Variants in MAPK10 observed in about 807,000 individuals in gnomAD.
MAPK10 encodes the protein JNK3 alpha protein kinase.
In MAPK10, 25 loss-of-function variants were observed where a neutral mutation model predicts 59.3. The observed-to-expected ratio is 0.42, with a 90% confidence interval of 0.31 to 0.59. MAPK10 has a LOEUF of 0.59. Ranked by LOEUF, MAPK10 falls within the 20% of genes least tolerant of loss-of-function variation. The pLI, the probability that MAPK10 is intolerant of heterozygous loss-of-function variation, is 0.15. For synonymous variants in MAPK10, 190 were observed against 200.5 expected (o/e 0.95, Z 0.44); for missense variants, 351 against 568.9 (o/e 0.62, Z 3.90).
chr4:86,424,158 C>A (rs1169452829), intron 1 of MAPK10, among the ~76,000 whole-genome samples: 1 of 152,020 alleles, frequency 6.6e-6, no homozygotes, highest in Non-Finnish European at 1.5e-5. Flanking sequence ...CCAGTTCAGA[C>A]CGACTTCTTC....
At chr4:86,462,849 A>C (rs774528567) in intron 1 of MAPK10, among the ~76,000 whole-genome samples, 4 of 152,148 alleles carry the variant, frequency 2.6e-5, no homozygotes, top group Non-Finnish European at 5.9e-5. Context: ...CTAGGAAAAA[A>C]TTTGCAAGGT....
rs2093373928 is a variant in MAPK10 at position 86,250,830 on chromosome 4, A to G, written c.-6-56423T>C. ...TTAATTTCACCAGTGGTCATGAGCT[A>G]CAACACAGCCAGGGGACATGACAGA... On this transcript the variant is annotated intron_variant, in intron 2 of 13. Coordinates refer to ENST00000641462, the MANE Select transcript of MAPK10 (RefSeq NM_138982.4). 1.3e-5 allele frequency among the ~76,000 whole-genome samples: 2 copies of G among 152,226 alleles called. 1 individual carries two copies. The highest frequency in any genetic ancestry group is 1.3e-4 in the Admixed American group (2 of 15,274).
intron 2 of MAPK10, among the ~76,000 whole-genome samples, chr4:86,296,874 T>C (rs1413131031): frequency 6.6e-6 from 1 of 152,240 alleles, no homozygotes; most frequent in Non-Finnish European, 1.5e-5. Context: ...ATTCTATTCC[T>C]AGGACCTTCT....
chr4:86,257,598 G>A (rs2093802461), intron 2 of MAPK10, among the ~76,000 whole-genome samples: 1 of 152,094 alleles, frequency 6.6e-6, no homozygotes, highest in Admixed American at 6.5e-5. Flanking sequence ...GTCCTCACGT[G>A]GTTGACCAGT....
At chr4:86,283,842 G>C (rs370084325) in intron 2 of MAPK10, among the ~76,000 whole-genome samples, 8 of 152,140 alleles carry the variant, frequency 5.3e-5, no homozygotes, top group African/African-American at 1.4e-4. Context: ...GTGAAATAAA[G>C]AATATTTCCT....
chr4:86,354,624 G>C lies in MAPK10; in HGVS notation c.-101C>G, dbSNP rs886059679. The C allele has an allele frequency of 2.1e-5, 26 of 1,228,908 alleles. No individual in the cohort carries two copies. Among genetic ancestry groups the C allele is most frequent in the Non-Finnish European group, 2.5e-5 (25 of 985,296 alleles). 76.1% of individuals were successfully genotyped at this position (1,228,908 alleles called of 1,614,324 possible). Reference sequence around the variant, plus strand: ...AGTGAAGATCTGAGATGGGCCTGCTGTTGGTGTTTCTCACACTAGCCTGAA... The same window carrying C: ...AGTGAAGATCTGAGATGGGCCTGCTCTTGGTGTTTCTCACACTAGCCTGAA... On this transcript the variant is annotated 5_prime_UTR_variant, in exon 2 of 14. Coordinates refer to ENST00000641462, the MANE Select transcript of MAPK10 (RefSeq NM_138982.4).
At chr4:86,187,550 C>T (rs780165500) in intron 3 of MAPK10, among the ~76,000 whole-genome samples, 21 of 151,964 alleles carry the variant, frequency 1.4e-4, no homozygotes, top group African/African-American at 2.9e-4. Flanking sequence ...CTGTGGAAAC[C>T]GAAACCACAG....
intron 2 of MAPK10, among the ~76,000 whole-genome samples, chr4:86,200,308 C>A (rs1267864043): frequency 6.6e-6 from 1 of 151,836 alleles, no homozygotes; most frequent in Admixed American, 6.6e-5. Flanking sequence ...GTCTGAAAAC[C>A]CCATGTGCCT....
intron 2 of MAPK10, among the ~76,000 whole-genome samples, chr4:86,284,698 A>G (rs182603874): frequency 6.6e-6 from 1 of 152,340 alleles, no homozygotes; most frequent in African/African-American, 2.4e-5. Flanking sequence ...AATGATTGTT[A>G]TCAGAATTAT....
At chr4:86,594,009 T>C (rs1763332468) in exon 1 of MAPK10, 1 of 152,204 alleles carries the variant, frequency 6.6e-6, no homozygotes, top group Non-Finnish European at 1.5e-5. Context: ...GGCCTAAAAG[T>C]TGGAGTTCAC....
intron 2 of MAPK10, among the ~76,000 whole-genome samples, chr4:86,262,521 G>A (rs1295855313): frequency 6.6e-6 from 1 of 152,194 alleles, no homozygotes; most frequent in Non-Finnish European, 1.5e-5. Flanking sequence ...AGCATGTCAG[G>A]AGGTTTCTGG....
At chr4:86,485,957 T>C (rs972431171) in intron 1 of MAPK10, among the ~76,000 whole-genome samples, 3 of 152,118 alleles carry the variant, frequency 2.0e-5, no homozygotes, top group Admixed American at 2.0e-4. Flanking sequence ...GCCTGAGAAG[T>C]GAAAAATAAA....
intron 3 of MAPK10, among the ~76,000 whole-genome samples, chr4:86,168,442 C>T (rs947670323): frequency 2.6e-5 from 4 of 152,214 alleles, no homozygotes; most frequent in Admixed American, 6.5e-5. Flanking sequence ...CCTACACGCA[C>T]GGAGTCTCGC....
At chr4:86,073,556 C>A in intron 9 of MAPK10, among the ~76,000 whole-genome samples, 1 of 109,426 alleles carries the variant, frequency 9.1e-6, no homozygotes, top group South Asian at 3.7e-4. Context: ...CCTCTACACA[C>A]TGCTTTGAAT....
At chr4:86,456,789 C>A (rs769410364), upstream of MAPK10, among the ~76,000 whole-genome samples, 3 of 152,128 alleles carry the variant, frequency 2.0e-5, no homozygotes, top group Non-Finnish European at 4.4e-5. Context: ...AAAAGGGAAT[C>A]CTCCCTAAAT....
At chr4:86,573,716 C>T (rs933243078) in intron 1 of MAPK10, among the ~76,000 whole-genome samples, 6 of 152,076 alleles carry the variant, frequency 3.9e-5, no homozygotes, top group African/African-American at 7.2e-5. Context: ...AATCCATAAA[C>T]GTGATATGTC....
At chr4:86,332,867 G>A (rs1230083635) in intron 2 of MAPK10, 1 of 152,174 alleles carries the variant, frequency 6.6e-6, no homozygotes, top group Non-Finnish European at 1.5e-5. Context: ...TCACAAATCT[G>A]TTTGTTTCTG....
At chr4:86,302,122 A>G (rs1402744248) in intron 2 of MAPK10, among the ~76,000 whole-genome samples, 1 of 152,230 alleles carries the variant, frequency 6.6e-6, no homozygotes, top group Non-Finnish European at 1.5e-5. Context: ...AACCAGCCGA[A>G]GTCAGCAAGC....
At chr4:86,262,561 C>T (rs901891332) in intron 2 of MAPK10, among the ~76,000 whole-genome samples, 4 of 152,222 alleles carry the variant, frequency 2.6e-5, no homozygotes, top group Admixed American at 6.5e-5. Flanking sequence ...CATGACTAGG[C>T]TCCTAGTGTG....
Sources: gnomAD v4.1 joint callset for allele counts (sites outside exome capture counted in the v4.1 genomes callset) on GRCh38, gnomAD v4.1.1 for gene constraint, MANE v1.5 for transcripts, NCBI Gene and HGNC (gene_info 2026-07-23, HGNC 2026-07-21) for gene names.